Variants in CNTNAP2 observed in about 807,000 individuals in gnomAD.
The protein encoded by CNTNAP2 is contactin-associated protein-like 2.
CNTNAP2 carries 98 observed loss-of-function variants against 155.2 expected under a neutral mutation model. That is an observed-to-expected ratio of 0.63 (90% CI 0.54 to 0.75). The LOEUF (loss-of-function observed/expected upper bound fraction) is 0.75, where lower values mean the gene tolerates loss of function less well. CNTNAP2 is among the 30% of genes least tolerant of loss of function. The pLI, the probability that CNTNAP2 is intolerant of heterozygous loss-of-function variation, is 0.00. For synonymous variants in CNTNAP2, 651 were observed against 631.2 expected, an observed-to-expected ratio of 1.03 and a Z score of -0.47; for missense variants, 1,727 against 1,688.1, an observed-to-expected ratio of 1.02 and a Z score of -0.40.
chr7:148,035,335 C>A (rs1802553855), intron 15 of CNTNAP2, among the ~76,000 whole-genome samples: 1 of 152,142 alleles, frequency 6.6e-6, no homozygotes, highest in South Asian at 2.1e-4. Context: ...CCCTCCATCA[C>A]AAGCCCAGAG....
intron 9 of CNTNAP2, among the ~76,000 whole-genome samples, chr7:147,302,820 G>A (rs1332433146): frequency 6.6e-6 from 1 of 152,238 alleles, no homozygotes; most frequent in African/African-American, 2.4e-5. Flanking sequence ...GAGGGCAAAA[G>A]AAGGGAAGTC....
At chr7:146,467,503 C>T (rs561274133) in intron 1 of CNTNAP2, among the ~76,000 whole-genome samples, 1 of 152,170 alleles carries the variant, frequency 6.6e-6, no homozygotes, top group Non-Finnish European at 1.5e-5. Context: ...CCAGACTGTC[C>T]ATCCATCTCT....
chr7:148,280,289 A>G (rs1184795280), intron 21 of CNTNAP2, among the ~76,000 whole-genome samples: 1 of 152,174 alleles, frequency 6.6e-6, no homozygotes, highest in African/African-American at 2.4e-5. Flanking sequence ...CATCTAGGTG[A>G]CAGAGCTAGA....
At chr7:148,175,142 T>C (rs949500387) in intron 18 of CNTNAP2, among the ~76,000 whole-genome samples, 1 of 152,204 alleles carries the variant, frequency 6.6e-6, no homozygotes, top group African/African-American at 2.4e-5. Context: ...ACATTTTCTT[T>C]ATCCAGTCTA....
intron 12 of CNTNAP2, among the ~76,000 whole-genome samples, chr7:147,600,713 A>G (rs1027589285): frequency 1.3e-5 from 2 of 151,892 alleles, no homozygotes; most frequent in African/African-American, 4.8e-5. Flanking sequence ...ACTGTGTTTC[A>G]TATCCTTTTT....
At chr7:148,159,384 G>C (rs1805472840) in intron 17 of CNTNAP2, among the ~76,000 whole-genome samples, 1 of 152,060 alleles carries the variant, frequency 6.6e-6, no homozygotes, top group Admixed American at 6.5e-5. Flanking sequence ...GTTGTCTCTT[G>C]TGTGCCATGC....
At chr7:147,786,481 A>G (rs1029670208) in intron 13 of CNTNAP2, among the ~76,000 whole-genome samples, 2 of 152,202 alleles carry the variant, frequency 1.3e-5, no homozygotes, top group African/African-American at 4.8e-5. Flanking sequence ...GAGATCAGGC[A>G]TGACTAGAAA....
intron 1 of CNTNAP2, among the ~76,000 whole-genome samples, chr7:146,219,877 CTCT>C (rs1799178657): frequency 6.6e-6 from 1 of 152,138 alleles, no homozygotes; most frequent in Non-Finnish European, 1.5e-5. Context: ...AAGAACACAA[CTCT>C]AAAGATTATG....
intron 14 of CNTNAP2, among the ~76,000 whole-genome samples, chr7:147,959,581 G>A (rs921613648): frequency 3.9e-5 from 6 of 152,122 alleles, no homozygotes; most frequent in Admixed American, 2.0e-4. Flanking sequence ...GCAACTCGGG[G>A]CAGTTCTGCA....
intron 18 of CNTNAP2, among the ~76,000 whole-genome samples, chr7:148,209,300 T>A (rs1585188998): frequency 6.3e-5 from 1 of 15,994 alleles, no homozygotes; most frequent in Admixed American, 6.2e-4. Context: ...TTTTCTTCCT[T>A]TTTTTTTTTT....
At chr7:147,080,769 C>G (rs1372140529) in intron 4 of CNTNAP2, among the ~76,000 whole-genome samples, 1 of 149,942 alleles carries the variant, frequency 6.7e-6, no homozygotes, top group Non-Finnish European at 1.5e-5. Context: ...ATTTTTCTGC[C>G]TCATGTCAAT....
At chr7:147,196,065 A>G (rs967211326) in intron 8 of CNTNAP2, among the ~76,000 whole-genome samples, 3 of 152,206 alleles carry the variant, frequency 2.0e-5, no homozygotes, top group Non-Finnish European at 4.4e-5. Flanking sequence ...ACACAGACCC[A>G]TACAGATGAA....
intron 8 of CNTNAP2, among the ~76,000 whole-genome samples, chr7:147,253,064 G>A (rs1415311236): frequency 1.3e-5 from 2 of 152,170 alleles, no homozygotes; most frequent in Non-Finnish European, 2.9e-5. Flanking sequence ...TCCTAAAGAA[G>A]TTGAACTTCA....
At chr7:147,752,942 G>A (rs1349234306) in intron 13 of CNTNAP2, among the ~76,000 whole-genome samples, 2 of 152,274 alleles carry the variant, frequency 1.3e-5, no homozygotes, top group South Asian at 2.1e-4. Flanking sequence ...CACTGCATTC[G>A]TATCCTGCTG....
intron 10 of CNTNAP2, among the ~76,000 whole-genome samples, chr7:147,401,715 G>T (rs1584926942): frequency 6.6e-6 from 1 of 152,248 alleles, no homozygotes; most frequent in African/African-American, 2.4e-5. Context: ...ATGATAGTGA[G>T]TGAGTTCTCA....
intron 15 of CNTNAP2, among the ~76,000 whole-genome samples, chr7:148,035,302 GT>G (rs1802553249): frequency 1.3e-5 from 2 of 152,150 alleles, no homozygotes; most frequent in African/African-American, 4.8e-5. Flanking sequence ...ACCCGAAGGT[GT>G]TTTGGAGATC....
chr7:148,153,473 G>A (rs1476870649), intron 17 of CNTNAP2, among the ~76,000 whole-genome samples: 1 of 152,056 alleles, frequency 6.6e-6, no homozygotes, highest in Non-Finnish European at 1.5e-5. Context: ...CCCATTTTTT[G>A]ATCCAAAATG....
chr7:147,737,405 C>T (rs10215975), intron 13 of CNTNAP2, among the ~76,000 whole-genome samples: 2,084 of 152,236 alleles, frequency 0.014, 41 homozygotes, highest in African/African-American at 0.046. Context: ...GAGGGGTACC[C>T]GGCCGGGTGA....
At chr7:147,955,237 TTA>T (rs1383291374) in intron 14 of CNTNAP2, among the ~76,000 whole-genome samples, 9 of 152,356 alleles carry the variant, frequency 5.9e-5, no homozygotes, top group African/African-American at 2.2e-4. Flanking sequence ...GCTTTTATTT[TTA>T]TGAGTTTTAC....
Sources: allele counts gnomAD v4.1 joint callset (sites outside exome capture counted in the v4.1 genomes callset), GRCh38; gene constraint gnomAD v4.1.1; transcripts MANE v1.5; gene names NCBI Gene and HGNC (gene_info 2026-07-23, HGNC 2026-07-21).